Variants in PRODH2 observed in about 807,000 individuals in gnomAD.
PRODH2 encodes hydroxyproline dehydrogenase.
Under a neutral mutation model 51.9 loss-of-function variants are expected in PRODH2, and 49 were observed. That is an observed-to-expected ratio of 0.94 (90% CI 0.75 to 1.20). The LOEUF (loss-of-function observed/expected upper bound fraction) is 1.20, where lower values mean the gene tolerates loss of function less well. PRODH2 is among the 50% of genes most tolerant of loss of function. The pLI is 0.00. For synonymous variants in PRODH2, 249 were observed against 260.7 expected, an observed-to-expected ratio of 0.96 and a Z score of 0.43; for missense variants, 597 against 610.9, an observed-to-expected ratio of 0.98 and a Z score of 0.24.
rs1053480825 is a variant in PRODH2 at position 35,802,680 on chromosome 19, G to A, written c.1112+288C>T. 3.9e-5 allele frequency among the ~76,000 whole-genome samples: 6 copies of A among 151,958 alleles called. No homozygotes were observed. The East Asian group carries it at 7.8e-4, about 20-fold the overall frequency. The stretch of plus-strand genomic sequence containing the variant: ...GGGCTCAAGTGATCCTTCCACCTCC[G>A]GAATAGCTGGGACTACAGGTGTGCG... On this transcript the variant is annotated intron_variant, in intron 8 of 9. Transcript: ENST00000653904.
intron 8 of PRODH2, 115 bp from the exon 9 acceptor site, chr19:35,802,391 C>T (rs1239402270): frequency 4.5e-6 from 4 of 885,978 alleles, no homozygotes; most frequent in Non-Finnish European, 7.5e-6. Flanking sequence ...TATTTCCAAA[C>T]TCAATGATAC....
chr19:35,801,702 A>G (rs1972432453), intron 9 of PRODH2: 1 of 159,460 alleles, frequency 6.3e-6, no homozygotes, highest in Non-Finnish European at 1.4e-5. Context: ...AGAGTTAATA[A>G]AAAGTCAACC....
chr19:35,804,409 T>G (rs1446241106), intron 7 of PRODH2, among the ~76,000 whole-genome samples: 1 of 152,240 alleles, frequency 6.6e-6, no homozygotes, highest in East Asian at 1.9e-4. Context: ...AAACCCTTTG[T>G]GCAGAATTCT....
rs979991743 is a variant in PRODH2 at position 35,809,733 on chromosome 19, C to T, written c.597+2229G>A. 4.7e-5 allele frequency among the ~76,000 whole-genome samples: 7 copies of T among 148,584 alleles called. No individual in the cohort carries two copies. In the East Asian group the frequency reaches 6.0e-4, roughly 13 times the overall value. ...CCCAGCACTTTGGGAGGCCGAGGCA[C>T]GTGGATCACGAGGTCAGGAGTTAAA... On this transcript the variant is annotated intron_variant, in intron 4 of 9. Coordinates refer to ENST00000653904, the MANE Select transcript of PRODH2 (RefSeq NM_021232.2).
chr19:35,812,111 A>AC, intron 3 of PRODH2, 23 bp downstream of exon 3: 1 of 1,613,182 alleles, frequency 6.2e-7, no homozygotes, highest in Non-Finnish European at 8.5e-7. Flanking sequence ...CCCTCCCCGC[A>AC]CCCCCGTCTT....
rs1383872289 is a variant in PRODH2, at chr19:35,802,175, G to A, written c.1198+16C>T. 6.2e-7 allele frequency: 1 copy of A among 1,612,334 alleles called. No homozygotes were observed. The highest frequency in any genetic ancestry group is 8.5e-7 in the Non-Finnish European group (1 of 1,178,542). ...AGGCCTGGGGCTTGATGGGGGTGGG[G>A]GAGCCATTCACATACCCAGTGCTAG... On this transcript the variant is annotated intron_variant, in intron 9 of 9. Transcript: ENST00000653904.
Position 35,806,592 on chromosome 19 carries a change from G to A in PRODH2, c.839C>T (p.Thr280Ile), listed in dbSNP as rs1349286237. The change falls in exon 7 of 10, where the codon ACA (threonine) becomes ATA (isoleucine). Residue 280 changes from threonine (T) to isoleucine (I), a missense_variant. Coordinates refer to ENST00000653904, the MANE Select transcript of PRODH2 (RefSeq NM_021232.2). ...WNTYQACLKD[T>I]FERLGRDAEA... ...TGCATCCCTCCCCAGCCGCTCGAATGTGTCCTATAGGGCACGCAGGCAGGT... is the reference window on the plus strand; with the variant it reads ...TGCATCCCTCCCCAGCCGCTCGAATATGTCCTATAGGGCACGCAGGCAGGT... The A allele has an allele frequency of 1.9e-6, 3 of 1,614,012 alleles. No individual in the cohort carries two copies. The highest frequency in any genetic ancestry group is 2.5e-6 in the Non-Finnish European group (3 of 1,180,036).
At chr19:35,810,817 G>A (rs965773130) in intron 4 of PRODH2, among the ~76,000 whole-genome samples, 1 of 152,116 alleles carries the variant, frequency 6.6e-6, no homozygotes, top group Non-Finnish European at 1.5e-5. Context: ...CACTGCCCCC[G>A]GCCATGTTCT....
chr19:35,800,150 C>T lies in PRODH2; in HGVS notation c.1271G>A (p.Arg424Gln), dbSNP rs146900274. Residue 424 changes from arginine to glutamine, a missense_variant, in exon 10 of 10, where the codon CGG becomes CAG. Physicochemically the swap from Arg to Gln is conservative, Grantham distance 43 (BLOSUM62 1). Transcript: ENST00000653904. ...SLEEVIPYLI[R>Q]RAQENRSVLQ... ...CACGCTCCGGTTCTCCTGGGCCCTC[C>T]GGATCAGGTAGGGGATTACCTCCTC... 6.2e-5 allele frequency: 100 copies of T among 1,605,122 alleles called. 2 individuals are homozygous for T. Among genetic ancestry groups the T allele is most frequent in the South Asian group, 3.4e-4 (30 of 89,520 alleles).
At chr19:35,802,617 A>T (rs1280609785) in intron 8 of PRODH2, 1 of 453,220 alleles carries the variant, frequency 2.2e-6, no homozygotes, top group African/African-American at 2.0e-5. Context: ...GCTGGAGTGC[A>T]GTGGCTCAAG....
chr19:35,807,143 G>T, intron 4 of PRODH2, 22 bp from the exon 5 acceptor site: 1 of 1,525,500 alleles, frequency 6.6e-7, no homozygotes. Context: ...CAGGGGAAGT[G>T]GGGAAAAGCT....
chr19:35,810,215 C>A (rs1185493301), intron 4 of PRODH2, among the ~76,000 whole-genome samples: 1 of 148,958 alleles, frequency 6.7e-6, no homozygotes, highest in Non-Finnish European at 1.5e-5. Context: ...GCAGAGATTG[C>A]GCCACTGCAC....
Position 35,803,017 on chromosome 19 carries a change from G to A in PRODH2, c.1063C>T (p.Leu355Phe), listed in dbSNP as rs774885925. 4.4e-6 allele frequency: 7 copies of A among 1,577,458 alleles called. No homozygotes were observed. The highest frequency in any genetic ancestry group is 2.3e-5 in the East Asian group (1 of 43,618). Residue 355 changes from leucine (L) to phenylalanine (F), a missense_variant, in exon 8 of 10, where the codon CTC (leucine) becomes TTC (phenylalanine). Leu to Phe is a conservative substitution (Grantham distance 22). Transcript: ENST00000653904. ...TCCTCATTGTGGGAAGCCACCATGA[G>A]GTGGCACATGGGGCCATGGCGGGCC... ...HVARHGPMCHLMVASHNEESV... is the reference protein window; with the variant it reads ...HVARHGPMCHFMVASHNEESV...
intron 4 of PRODH2, among the ~76,000 whole-genome samples, chr19:35,809,843 C>A (rs891969979): frequency 6.7e-6 from 1 of 149,696 alleles, no homozygotes; most frequent in Admixed American, 6.8e-5. Context: ...CCTGTAGCCC[C>A]AGCTACTCAG....
At position 35,810,291 on chromosome 19, in the gene PRODH2, A is replaced by AATAAT. The variant is rs766066674; in HGVS notation, c.597+1670_597+1671insATTAT. On this transcript the variant is annotated intron_variant, in intron 4 of 9. Transcript: ENST00000653904. Reference sequence around the variant, plus strand: ...TAATAATAATAATAATAATAATAATAAATAAATAGATAAACAAATAAAAAT... The same window carrying AATAAT: ...TAATAATAATAATAATAATAATAATAATAATAATAAATAGATAAACAAATAAAAAT... Among the ~76,000 whole-genome samples the AATAAT allele has an allele frequency of 4.7e-3, 664 of 140,784 alleles. 6 individuals are homozygous for AATAAT. Among genetic ancestry groups the AATAAT allele is most frequent in the African/African-American group, 0.017 (634 of 38,158 alleles). 92.4% of individuals were successfully genotyped at this position (140,784 alleles called of 152,430 possible). A position where few individuals can be genotyped will look rare whatever the true frequency, so the allele number is the denominator to read the frequency against.
At chr19:35,804,859 C>G (rs1277741823) in intron 7 of PRODH2, among the ~76,000 whole-genome samples, 1 of 152,088 alleles carries the variant, frequency 6.6e-6, no homozygotes, top group Non-Finnish European at 1.5e-5. Flanking sequence ...TGGCTTGGGC[C>G]TGGGGAGTCA....
intron 4 of PRODH2, among the ~76,000 whole-genome samples, chr19:35,810,921 C>G (rs1006155807): frequency 6.6e-6 from 1 of 151,960 alleles, no homozygotes; most frequent in African/African-American, 2.4e-5. Context: ...ATTGTTTTAC[C>G]TTGAAAGAAA....
In PRODH2 at chr19:35,806,847, C is replaced by T. The variant is rs199737107; in HGVS notation, c.679-17G>A. ...CCGGGCATACTGATGGCGACAGAGA[C>T]GACGGTCAGGGCCCCGGGTGTCCAG... is the stretch of plus-strand genomic sequence containing the variant. On this transcript the variant is annotated splice_polypyrimidine_tract_variant and intron_variant, in intron 5 of 9. Transcript: ENST00000653904. The T allele has an allele frequency of 4.5e-5, 71 of 1,581,878 alleles. No homozygotes were observed. Among genetic ancestry groups the T allele is most frequent in the African/African-American group, 4.5e-4 (33 of 74,038 alleles).
In PRODH2 at chr19:35,812,658, G is replaced by A. The variant is rs1316381169; in HGVS notation, c.148C>T (p.Pro50Ser). 5.0e-6 allele frequency: 8 copies of A among 1,595,768 alleles called. No homozygotes were observed. The highest frequency in any genetic ancestry group is 1.1e-5 in the South Asian group (1 of 88,784). ...ALLVLRLCAW[P>S]PLVTHGLLLQ... Reference sequence around the variant, plus strand: ...AACAGCCCGTGAGTGACGAGTGGGGGCCAGGCACACAGCCGGAGAACCAGC... The same window carrying A: ...AACAGCCCGTGAGTGACGAGTGGGGACCAGGCACACAGCCGGAGAACCAGC... Residue 50 changes from proline (P) to serine (S), a missense_variant, in exon 1 of 10, where the codon CCC becomes TCC. Transcript: ENST00000653904.
Sources: gnomAD v4.1 joint callset for allele counts (sites outside exome capture counted in the v4.1 genomes callset) on GRCh38, gnomAD v4.1.1 for gene constraint, MANE v1.5 for transcripts, NCBI Gene and HGNC (gene_info 2026-07-23, HGNC 2026-07-21) for gene names.